The following FOXP1 variants were observed in gnomAD, a reference collection of about 807,000 sequenced individuals.
FOXP1 encodes forkhead box P1.
FOXP1 carries 15 observed loss-of-function variants against 98.2 expected under a neutral mutation model. The ratio of observed to expected loss-of-function variants is 0.15; its 90% CI spans 0.10 to 0.24. FOXP1 has a LOEUF of 0.24. Among genes scored for constraint, FOXP1 ranks in the 10% least tolerant of loss-of-function variants. FOXP1 has a pLI of 1.00. For missense variants in FOXP1, 633 were observed against 848.5 expected (o/e 0.75, Z 3.15); for synonymous variants, 371 against 314.5 (o/e 1.18, Z -1.90).
intron 18 of FOXP1, chr3:70,971,126 G>T: frequency 8.0e-6 from 3 of 372,832 alleles, no homozygotes; most frequent in Non-Finnish European, 1.5e-5. Flanking sequence ...CAGAAAGGAA[G>T]GCAGCAGCCT....
In FOXP1 at chr3:71,016,656, A is replaced by AACACACAC. The variant is rs4056100; in HGVS notation, c.870-1011_870-1004dup. The stretch of plus-strand genomic sequence containing the variant: ...AAGCACAATGAATGATGATTACAAG[A>AACACACAC]ACACACACACACACACACACACACA... On this transcript the variant is annotated intron_variant, in intron 11 of 20. Transcript: ENST00000649528. Among the ~76,000 whole-genome samples, 1,450 of 146,234 alleles carry AACACACAC rather than the reference A, an allele frequency of 9.9e-3. 7 individuals carry two copies. The highest frequency in any genetic ancestry group is 0.017 in the South Asian group (79 of 4,536).
intron 3 of FOXP1, among the ~76,000 whole-genome samples, chr3:71,483,942 G>A (rs542490121): frequency 2.0e-5 from 3 of 151,824 alleles, no homozygotes; most frequent in Non-Finnish European, 2.9e-5. Context: ...TTTTGTAACC[G>A]GGGCAACGAC....
At position 70,958,550 on chromosome 3, in the gene FOXP1, G is replaced by T. The variant is rs1286539029; in HGVS notation, c.*697C>A. ...AACACCTATTAACATTCATCACAAG[G>T]TACAGAAAACTTTAAGCCTCCAAGA... On this transcript the variant is annotated 3_prime_UTR_variant, in exon 21 of 21. Coordinates refer to ENST00000649528, the MANE Select transcript of FOXP1 (RefSeq NM_001349338.3). 1.9e-5 allele frequency: 5 copies of T among 260,848 alleles called. No homozygotes were observed. In the East Asian group the frequency reaches 2.7e-4, roughly 14 times the overall value. The allele number at this position is 260,848 out of a possible 1,614,324, so 16.2% of individuals were successfully genotyped here.
At chr3:71,092,999 G>T (rs1370401568) in intron 7 of FOXP1, among the ~76,000 whole-genome samples, 1 of 152,150 alleles carries the variant, frequency 6.6e-6, no homozygotes, top group Admixed American at 6.5e-5. Context: ...GGTGGCTCAC[G>T]CCTATAATCC....
intron 9 of FOXP1, among the ~76,000 whole-genome samples, chr3:71,047,820 G>C (rs1029052904): frequency 2.6e-5 from 4 of 152,134 alleles, no homozygotes; most frequent in Admixed American, 6.5e-5. Context: ...CATCTGCTTT[G>C]TTCTTGAAAA....
intron 13 of FOXP1, among the ~76,000 whole-genome samples, chr3:70,998,572 T>C (rs1224941079): frequency 6.6e-6 from 1 of 152,074 alleles, no homozygotes; most frequent in Admixed American, 6.6e-5. Context: ...GACAAAAACA[T>C]TACGAGGAAC....
At chr3:71,506,696 A>T (rs1040431222) in intron 2 of FOXP1, among the ~76,000 whole-genome samples, 1 of 152,196 alleles carries the variant, frequency 6.6e-6, no homozygotes, top group Non-Finnish European at 1.5e-5. Context: ...AGTACCAGCC[A>T]GCTACCACGT....
chr3:71,134,949 C>T (rs985786287), intron 6 of FOXP1, among the ~76,000 whole-genome samples: 18 of 152,044 alleles, frequency 1.2e-4, no homozygotes, highest in African/African-American at 4.4e-4. Context: ...CTAGACAATC[C>T]TACCTTCTTC....
chr3:71,329,465 C>T (rs1472325573), intron 4 of FOXP1, among the ~76,000 whole-genome samples: 1 of 151,816 alleles, frequency 6.6e-6, no homozygotes, highest in Non-Finnish European at 1.5e-5. Context: ...CGTGATCACC[C>T]GTCTCAGCCT....
chr3:71,550,598 G>A (rs2045703726), intron 2 of FOXP1, among the ~76,000 whole-genome samples: 1 of 152,140 alleles, frequency 6.6e-6, no homozygotes. Context: ...AATTTAACTT[G>A]TAAAGAAAAG....
At chr3:71,169,032 AC>A (rs1234721606) in intron 6 of FOXP1, among the ~76,000 whole-genome samples, 2 of 152,216 alleles carry the variant, frequency 1.3e-5, no homozygotes, top group Admixed American at 1.3e-4. Flanking sequence ...AGCTCTTTTT[AC>A]AGCTGAGTCA....
intron 6 of FOXP1, among the ~76,000 whole-genome samples, chr3:71,158,903 G>C (rs897254656): frequency 3.3e-5 from 5 of 151,712 alleles, no homozygotes; most frequent in African/African-American, 1.2e-4. Context: ...CCAGGAGTTC[G>C]AGACCAGCCT....
In FOXP1 at chr3:71,142,971, G is replaced by A. The variant is rs141626465; in HGVS notation, c.181-30334C>T. On this transcript the variant is annotated intron_variant, in intron 6 of 20. Coordinates refer to ENST00000649528, the MANE Select transcript of FOXP1 (RefSeq NM_001349338.3). The stretch of plus-strand genomic sequence containing the variant: ...AAGGGGGCAGGAAAGAAAGGGCAGG[G>A]CAGGGCAGGGCAGGGCAGGGCTTGC... Among the ~76,000 whole-genome samples the A allele has an allele frequency of 2.5e-4, 38 of 151,866 alleles. 1 individual carries two copies. In the East Asian group the frequency reaches 6.6e-3, roughly 26 times the overall value.
At chr3:71,255,394 T>C (rs945391540) in intron 5 of FOXP1, among the ~76,000 whole-genome samples, 1 of 152,182 alleles carries the variant, frequency 6.6e-6, no homozygotes, top group African/African-American at 2.4e-5. Flanking sequence ...AGCCTAACCC[T>C]CTAAAATGAA....
chr3:71,385,172 T>C (rs1462203026), intron 3 of FOXP1, among the ~76,000 whole-genome samples: 1 of 152,026 alleles, frequency 6.6e-6, no homozygotes, highest in African/African-American at 2.4e-5. Flanking sequence ...CATATGCATT[T>C]CGGCAGATGA....
At chr3:71,336,212 C>A (rs2076670008) in intron 4 of FOXP1, among the ~76,000 whole-genome samples, 1 of 151,976 alleles carries the variant, frequency 6.6e-6, no homozygotes, top group Admixed American at 6.6e-5. Flanking sequence ...AAATTGAAAT[C>A]TACTAACATG....
chr3:71,478,524 C>T (rs935955458), intron 3 of FOXP1, among the ~76,000 whole-genome samples: 2 of 152,142 alleles, frequency 1.3e-5, no homozygotes, highest in African/African-American at 2.4e-5. Context: ...ATGAGAGTGG[C>T]AAGGAGGTTG....
At chr3:70,968,161 A>C (rs1019732686) in intron 19 of FOXP1, among the ~76,000 whole-genome samples, 37 of 152,234 alleles carry the variant, frequency 2.4e-4, no homozygotes, top group Middle Eastern at 6.8e-3. Flanking sequence ...ACTTATACTG[A>C]TCCCTGGGTT....
At chr3:71,492,089 T>C (rs781310108) in intron 3 of FOXP1, among the ~76,000 whole-genome samples, 11 of 152,170 alleles carry the variant, frequency 7.2e-5, no homozygotes, top group Non-Finnish European at 1.5e-4. Context: ...GGTATTTAAA[T>C]AGATAATTTC....
Sources: allele counts gnomAD v4.1 joint callset (sites outside exome capture counted in the v4.1 genomes callset), GRCh38; gene constraint gnomAD v4.1.1; transcripts MANE v1.5; gene names NCBI Gene and HGNC (gene_info 2026-07-23, HGNC 2026-07-21).